The following TMOD2 variants were observed in gnomAD, a reference collection of about 807,000 sequenced individuals.
TMOD2 encodes tropomodulin-2.
In TMOD2, 22 loss-of-function variants were observed where a neutral mutation model predicts 39.9. The ratio of observed to expected loss-of-function variants is 0.55; its 90% CI spans 0.39 to 0.79. The LOEUF is 0.79. TMOD2 is among the 30% of genes least tolerant of loss of function. The pLI, the probability that TMOD2 is intolerant of heterozygous loss-of-function variation, is 0.00. For missense variants in TMOD2, 386 were observed against 413.3 expected (o/e 0.93, Z 0.57); for synonymous variants, 123 against 146.1 (o/e 0.84, Z 1.14).
chr15:51,813,186 G>A lies in TMOD2; in HGVS notation c.*4732G>A, dbSNP rs1167297530. 2 of 152,182 alleles carry A rather than the reference G, an allele frequency of 1.3e-5. No individual in the cohort carries two copies. The highest frequency in any genetic ancestry group is 4.8e-5 in the African/African-American group (2 of 41,428). The allele number at this position is 152,182 out of a possible 1,614,324, so 9.4% of individuals were successfully genotyped here. A position where few individuals can be genotyped will look rare whatever the true frequency, so the allele number is the denominator to read the frequency against. The stretch of plus-strand genomic sequence containing the variant: ...TGGGGAAGGATGATGGAAATTAAAG[G>A]TTTACATTTGTTTAATGGCAGAACT... On this transcript the variant is annotated 3_prime_UTR_variant, in exon 10 of 10. Transcript: ENST00000249700.
At chr15:51,778,370 C>T (rs534828012) in intron 5 of TMOD2, among the ~76,000 whole-genome samples, 3 of 146,748 alleles carry the variant, frequency 2.0e-5, no homozygotes, top group Non-Finnish European at 4.5e-5. Context: ...TAGCATTAGG[C>T]GATATACCTA....
chr15:51,789,317 A>G (rs1046892466), intron 7 of TMOD2, among the ~76,000 whole-genome samples: 44 of 152,232 alleles, frequency 2.9e-4, no homozygotes, highest in African/African-American at 1.0e-3. Flanking sequence ...TAACTATGCT[A>G]AATATATATG....
At chr15:51,787,527 G>C (rs979337969) in intron 7 of TMOD2, among the ~76,000 whole-genome samples, 1 of 152,226 alleles carries the variant, frequency 6.6e-6, no homozygotes, top group South Asian at 2.1e-4. Flanking sequence ...TTCGAGCTCC[G>C]ATAACGGACA....
In TMOD2 at chr15:51,815,976, C is replaced by T. The variant is rs1023804676; in HGVS notation, c.*7522C>T. ...TGGGCTAAGCAGTTATTGAAAACTC[C>T]GCATAGTTTTATTTTCCATTTGAAA... On this transcript the variant is annotated 3_prime_UTR_variant, in exon 10 of 10. Coordinates refer to ENST00000249700, the MANE Select transcript of TMOD2 (RefSeq NM_014548.4). The T allele has an allele frequency of 6.6e-6, 1 of 152,126 alleles. No homozygotes were observed. The highest frequency in any genetic ancestry group is 2.1e-4 in the South Asian group (1 of 4,826). The allele number at this position is 152,126 out of a possible 1,614,324, so 9.4% of individuals were successfully genotyped here. A position where few individuals can be genotyped will look rare whatever the true frequency, so the allele number is the denominator to read the frequency against.
At chr15:51,760,663 G>T (rs935633436) in intron 1 of TMOD2, among the ~76,000 whole-genome samples, 1 of 152,062 alleles carries the variant, frequency 6.6e-6, no homozygotes, top group Non-Finnish European at 1.5e-5. Flanking sequence ...AAAATTAGCT[G>T]GGTATGGTGG....
At chr15:51,775,570 C>CTTTTTTTTTTTTTTTTTTT (rs869308022) in intron 4 of TMOD2, among the ~76,000 whole-genome samples, 1 of 81,210 alleles carries the variant, frequency 1.2e-5, no homozygotes, top group Non-Finnish European at 2.1e-5. Context: ...ATTCTTTTTC[C>CTTTTTTTTTTTTTTTTTTT]TTTTTTTTTT....
intron 4 of TMOD2, among the ~76,000 whole-genome samples, chr15:51,774,968 A>T (rs143153690): frequency 1.6e-3 from 236 of 152,066 alleles, no homozygotes; most frequent in Non-Finnish European, 3.0e-3. Flanking sequence ...CAAATAGAAA[A>T]CTGTCCTCGT....
chr15:51,780,811 A>G (rs2055924388), intron 5 of TMOD2, among the ~76,000 whole-genome samples: 1 of 152,234 alleles, frequency 6.6e-6, no homozygotes, highest in Non-Finnish European at 1.5e-5. Context: ...CTTTGGGTCC[A>G]TGCAGTGTTA....
intron 1 of TMOD2, among the ~76,000 whole-genome samples, chr15:51,759,708 T>A (rs2055766190): frequency 6.6e-6 from 1 of 152,158 alleles, no homozygotes; most frequent in African/African-American, 2.4e-5. Context: ...GAGAACAGCA[T>A]TCCAAGTAAT....
chr15:51,778,342 G>T (rs1276401235), intron 5 of TMOD2, among the ~76,000 whole-genome samples: 2 of 100,642 alleles, frequency 2.0e-5, no homozygotes, highest in Admixed American at 2.4e-4. Flanking sequence ...GTTGTGGGGT[G>T]GGGGGAGGGG....
chr15:51,806,659 A>G, intron 9 of TMOD2, 138 bp downstream of exon 9: 2 of 936,208 alleles, frequency 2.1e-6, no homozygotes, highest in Non-Finnish European at 3.2e-6. Flanking sequence ...ACGCATTATT[A>G]TAATACATGG....
chr15:51,802,012 G>A (rs80116938), intron 8 of TMOD2, among the ~76,000 whole-genome samples: 5,010 of 151,130 alleles, frequency 0.033, 136 homozygotes, highest in Non-Finnish European at 0.05. Context: ...TATATATAAA[G>A]ACTGTATATC....
At chr15:51,784,650 A>G (rs866292431) in intron 7 of TMOD2, 2 of 152,234 alleles carry the variant, frequency 1.3e-5, no homozygotes, top group South Asian at 4.1e-4. Flanking sequence ...TTTGAAACCT[A>G]TCATTAAAAT....
chr15:51,799,664 T>G (rs2056075567), intron 8 of TMOD2, among the ~76,000 whole-genome samples: 1 of 152,214 alleles, frequency 6.6e-6, no homozygotes, highest in African/African-American at 2.4e-5. Context: ...CTCAGGAAGT[T>G]CGATGCTGTG....
chr15:51,790,023 AG>A (rs1490876042), intron 7 of TMOD2, among the ~76,000 whole-genome samples: 6 of 152,222 alleles, frequency 3.9e-5, no homozygotes, highest in African/African-American at 1.4e-4. Context: ...GAAGAACTGA[AG>A]GAGATAGAGA....
In TMOD2 at chr15:51,789,923, G is replaced by A. The variant is rs148799839; in HGVS notation, c.732+7095G>A. Among the ~76,000 whole-genome samples, 79 of 152,148 alleles carry A rather than the reference G, an allele frequency of 5.2e-4. 1 individual carries two copies. In the East Asian group the frequency reaches 0.013, roughly 25 times the overall value. ...GAGAAAGCAGGAGAAATCTAAAATCGACACCCTAACATCACAATTAAAAGA... is the reference window on the plus strand; with the variant it reads ...GAGAAAGCAGGAGAAATCTAAAATCAACACCCTAACATCACAATTAAAAGA... On this transcript the variant is annotated intron_variant, in intron 7 of 9. Transcript: ENST00000249700.
At chr15:51,777,061 C>T in intron 5 of TMOD2, 43 bp downstream of exon 5, 4 of 1,559,376 alleles carry the variant, frequency 2.6e-6, no homozygotes, top group Non-Finnish European at 3.5e-6. Flanking sequence ...GCTTTGGAGC[C>T]TCCAGAGTTG....
At chr15:51,770,700 G>A (rs1234017887) in intron 3 of TMOD2, among the ~76,000 whole-genome samples, 2 of 152,160 alleles carry the variant, frequency 1.3e-5, no homozygotes. Context: ...AGCACTTTGG[G>A]AGGCTGAGGT....
intron 1 of TMOD2, among the ~76,000 whole-genome samples, chr15:51,756,918 G>A (rs746995864): frequency 6.6e-6 from 1 of 152,132 alleles, no homozygotes; most frequent in African/African-American, 2.4e-5. Flanking sequence ...AAAACAGGCG[G>A]TTGCTGTGTT....
Sources: gnomAD v4.1 joint callset for allele counts (sites outside exome capture counted in the v4.1 genomes callset) on GRCh38, gnomAD v4.1.1 for gene constraint, MANE v1.5 for transcripts, NCBI Gene and HGNC (gene_info 2026-07-23, HGNC 2026-07-21) for gene names.